The following VWA3B variants were observed in gnomAD, a reference collection of about 807,000 sequenced individuals.
The protein encoded by VWA3B is von Willebrand factor A domain-containing protein 3B.
VWA3B carries 138 observed loss-of-function variants against 158.3 expected under a neutral mutation model. The observed-to-expected ratio is 0.87, with a 90% CI of 0.76 to 1.00. VWA3B has a LOEUF of 1.00. Among genes scored for constraint, VWA3B ranks in the 50% least tolerant of loss-of-function variants. VWA3B has a pLI of 0.00. For synonymous variants in VWA3B, 596 were observed against 587.3 expected, an observed-to-expected ratio of 1.01 and a Z score of -0.21; for missense variants, 1,555 against 1,565.1, an observed-to-expected ratio of 0.99 and a Z score of 0.11.
chr2:98,324,203 C>T, the VWA3B span, among the ~76,000 whole-genome samples: 25 of 151,938 alleles, frequency 1.6e-4, no homozygotes, highest in African/African-American at 5.1e-4. Flanking sequence ...TGCTCTGTCA[C>T]GTAGGTTGGA....
intron 5 of VWA3B, 132 bp downstream of exon 5, chr2:98,121,590 T>C (rs531160049): frequency 1.7e-6 from 2 of 1,193,900 alleles, no homozygotes; most frequent in African/African-American, 1.5e-5. Flanking sequence ...GAGATCCCAT[T>C]GGGCACTGAT....
At chr2:98,236,039 G>T (rs1685654728) in intron 17 of VWA3B, among the ~76,000 whole-genome samples, 1 of 152,170 alleles carries the variant, frequency 6.6e-6, no homozygotes, top group African/African-American at 2.4e-5. Context: ...TGTTGATCAA[G>T]GCTCTCATAT....
chr2:98,246,275 A>G (rs1686388601), intron 19 of VWA3B, among the ~76,000 whole-genome samples: 1 of 152,170 alleles, frequency 6.6e-6, no homozygotes. Flanking sequence ...TTTCAGATAA[A>G]GTTGCAGCCA....
At chr2:98,264,929 G>C (rs1029320037) in intron 21 of VWA3B, among the ~76,000 whole-genome samples, 2 of 152,046 alleles carry the variant, frequency 1.3e-5, no homozygotes, top group African/African-American at 4.8e-5. Flanking sequence ...TAGTGGATTT[G>C]GGTAGTATGG....
At chr2:98,298,151 G>A in intron 24 of VWA3B, 120 bp downstream of exon 24, 1 of 1,265,460 alleles carries the variant, frequency 7.9e-7, no homozygotes, top group Non-Finnish European at 1.0e-6. Flanking sequence ...TGCAGGGAGG[G>A]TGTGTTTGGG....
intron 7 of VWA3B, among the ~76,000 whole-genome samples, chr2:98,152,020 G>A (rs966704948): frequency 1.3e-5 from 2 of 152,342 alleles, no homozygotes; most frequent in Admixed American, 6.5e-5. Context: ...TGGATGAATT[G>A]TAATTTGGAA....
chr2:98,225,221 G>A (rs928112961), intron 14 of VWA3B, among the ~76,000 whole-genome samples: 4 of 152,246 alleles, frequency 2.6e-5, no homozygotes, highest in South Asian at 2.1e-4. Flanking sequence ...GGCATGAGCC[G>A]CCCCACCTGG....
At chr2:98,211,721 AGTC>A in intron 12 of VWA3B, among the ~76,000 whole-genome samples, 1 of 152,384 alleles carries the variant, frequency 6.6e-6, no homozygotes, top group African/African-American at 2.4e-5. Context: ...GACTTCTAGC[AGTC>A]CTTGGACTGC....
chr2:98,127,332 G>A (rs796980904), intron 5 of VWA3B, among the ~76,000 whole-genome samples: 44 of 152,246 alleles, frequency 2.9e-4, no homozygotes, highest in African/African-American at 9.9e-4. Flanking sequence ...TTTTAACAAG[G>A]GAAGACACTG....
the VWA3B span, among the ~76,000 whole-genome samples, chr2:98,323,924 G>C: frequency 6.6e-6 from 1 of 152,192 alleles, no homozygotes; most frequent in Non-Finnish European, 1.5e-5. Flanking sequence ...AGATTCTGAT[G>C]TGGTGAGCAT....
intron 21 of VWA3B, among the ~76,000 whole-genome samples, chr2:98,259,070 T>C (rs781741921): frequency 2.3e-4 from 35 of 151,804 alleles, no homozygotes; most frequent in Non-Finnish European, 4.1e-4. Flanking sequence ...TATTAAATCA[T>C]GTGATTTTCT....
At chr2:98,176,250 T>TC (rs1379761037) in intron 8 of VWA3B, among the ~76,000 whole-genome samples, 5 of 150,048 alleles carry the variant, frequency 3.3e-5, no homozygotes, top group Admixed American at 6.7e-5. Flanking sequence ...TTTTCTCCCC[T>TC]CCCTTCCTTC....
chr2:98,265,364 G>A (rs1687745433), intron 21 of VWA3B, among the ~76,000 whole-genome samples: 1 of 151,692 alleles, frequency 6.6e-6, no homozygotes, highest in African/African-American at 2.4e-5. Context: ...CCCTACAAAG[G>A]ACATGAACTC....
In VWA3B at chr2:98,162,728, A is replaced by G; in HGVS notation, c.989-123A>G. 3 of 1,333,690 alleles carry G rather than the reference A, an allele frequency of 2.2e-6. No individual in the cohort carries two copies. The African/African-American group carries it at 4.4e-5, about 20-fold the overall frequency. The allele number at this position is 1,333,690 out of a possible 1,614,324, so 82.6% of individuals were successfully genotyped here. ...TTCTCAGAAAGAGATTAGTGGGGGAAGCGGAATTTGATGTTCAGAAATGTT... is the reference window on the plus strand; with the variant it reads ...TTCTCAGAAAGAGATTAGTGGGGGAGGCGGAATTTGATGTTCAGAAATGTT... On this transcript the variant is annotated intron_variant, in intron 7 of 27. Transcript: ENST00000477737.
chr2:98,254,819 G>C (rs913788752), intron 20 of VWA3B, among the ~76,000 whole-genome samples: 5 of 152,234 alleles, frequency 3.3e-5, no homozygotes, highest in South Asian at 2.1e-4. Context: ...CCTCTTCAGA[G>C]GCCCTGTCTG....
At chr2:98,276,233 C>T (rs556488703) in intron 22 of VWA3B, among the ~76,000 whole-genome samples, 4 of 152,272 alleles carry the variant, frequency 2.6e-5, no homozygotes, top group African/African-American at 7.2e-5. Context: ...GATACTTCTC[C>T]TTTCCATGTG....
At chr2:98,234,359 C>T (rs1330245692) in intron 16 of VWA3B, among the ~76,000 whole-genome samples, 1 of 152,204 alleles carries the variant, frequency 6.6e-6, no homozygotes, top group East Asian at 1.9e-4. Context: ...CGCTGGGCTA[C>T]AGTCAGCAAG....
At chr2:98,328,340 C>T in the VWA3B span, among the ~76,000 whole-genome samples, 1 of 152,038 alleles carries the variant, frequency 6.6e-6, no homozygotes, top group African/African-American at 2.4e-5. Context: ...TTGTACTGAG[C>T]AAGGTCCTGG....
At chr2:98,251,894 C>T (rs571910980) in intron 20 of VWA3B, among the ~76,000 whole-genome samples, 2 of 152,000 alleles carry the variant, frequency 1.3e-5, no homozygotes, top group South Asian at 4.2e-4. Context: ...TCTGTGGGCT[C>T]CTCAGTATTT....
Sources: gnomAD v4.1 joint callset for allele counts (sites outside exome capture counted in the v4.1 genomes callset) on GRCh38, gnomAD v4.1.1 for gene constraint, MANE v1.5 for transcripts, NCBI Gene and HGNC (gene_info 2026-07-23, HGNC 2026-07-21) for gene names.